The following CAPZA2 variants were observed in gnomAD, a reference collection of about 807,000 sequenced individuals.
CAPZA2 encodes capping actin protein of muscle Z-line subunit alpha 2.
Under a neutral mutation model 44.0 loss-of-function variants are expected in CAPZA2, and 13 were observed. That is an observed-to-expected ratio of 0.30 (90% CI 0.19 to 0.47). The LOEUF is 0.47. CAPZA2 is among the 20% of genes least tolerant of loss of function. The pLI is 1.00. For synonymous variants in CAPZA2, 94 were observed against 108.2 expected (o/e 0.87, Z 0.81); for missense variants, 244 against 338.6 (o/e 0.72, Z 2.19).
chr7:116,890,524 AAAT>A (rs1796820321), intron 2 of CAPZA2, among the ~76,000 whole-genome samples: 1 of 29,824 alleles, frequency 3.4e-5, no homozygotes, highest in Non-Finnish European at 5.4e-5. Context: ...AAAAAAAAAA[AAAT>A]ATATATATAT....
intron 1 of CAPZA2, chr7:116,875,733 T>G (rs1033375709): frequency 3.6e-4 from 55 of 151,890 alleles, no homozygotes; most frequent in Admixed American, 3.6e-3. Context: ...TTTTAAATTT[T>G]TTGTAGATAC....
At chr7:116,886,493 AAC>A (rs1796763391) in intron 1 of CAPZA2, among the ~76,000 whole-genome samples, 1 of 152,148 alleles carries the variant, frequency 6.6e-6, no homozygotes, top group African/African-American at 2.4e-5. Flanking sequence ...CACATACACA[AAC>A]ACACACAGCC....
chr7:116,910,580 A>G lies in CAPZA2; in HGVS notation c.585+269A>G, dbSNP rs549881262. On this transcript the variant is annotated intron_variant, in intron 7 of 9. Transcript: ENST00000361183. ...CCATTTGGTCTGCTCTTCAGATACAATTTGTTCATGCAGGCGTCTTCTGAG... is the reference window on the plus strand; with the variant it reads ...CCATTTGGTCTGCTCTTCAGATACAGTTTGTTCATGCAGGCGTCTTCTGAG... 7.2e-5 allele frequency among the ~76,000 whole-genome samples: 11 copies of G among 152,248 alleles called. No homozygotes were observed. In the South Asian group the frequency reaches 2.3e-3, roughly 32 times the overall value.
At position 116,893,151 on chromosome 7, in the gene CAPZA2, G is replaced by A. The variant is rs1796872585; in HGVS notation, c.155+106G>A. ...TGTGGGTTTTTTTGTTTTGTTTTGA[G>A]ATGGAGTCTCACTCTGTCGTCCAGG... is the stretch of plus-strand genomic sequence containing the variant. On this transcript the variant is annotated intron_variant, in intron 3 of 9. Coordinates refer to ENST00000361183, the MANE Select transcript of CAPZA2 (RefSeq NM_006136.3). 1.3e-5 allele frequency: 8 copies of A among 624,318 alleles called. No homozygotes were observed. The South Asian group carries it at 1.4e-4, about 11-fold the overall frequency. The allele number at this position is 624,318 out of a possible 1,614,324, so 38.7% of individuals were successfully genotyped here. A position where few individuals can be genotyped will look rare whatever the true frequency, so the allele number is the denominator to read the frequency against.
At chr7:116,882,075 A>G (rs1366435249) in intron 1 of CAPZA2, among the ~76,000 whole-genome samples, 3 of 152,094 alleles carry the variant, frequency 2.0e-5, no homozygotes, top group African/African-American at 4.8e-5. Context: ...AGTTTTTCTT[A>G]TTACTGTTGA....
intron 3 of CAPZA2, among the ~76,000 whole-genome samples, chr7:116,898,293 G>A (rs1351300508): frequency 6.6e-6 from 1 of 150,822 alleles, no homozygotes; most frequent in Non-Finnish European, 1.5e-5. Context: ...ATTCTTTGCA[G>A]TGCTTCATTG....
chr7:116,876,249 CA>C (rs34563707), intron 1 of CAPZA2: 288 of 89,118 alleles, frequency 3.2e-3, no homozygotes, highest in Middle Eastern at 7.0e-3. Context: ...GACTCCATCT[CA>C]AAAAAAAAAA....
chr7:116,891,248 A>G (rs909954640), intron 2 of CAPZA2, among the ~76,000 whole-genome samples: 3 of 152,204 alleles, frequency 2.0e-5, no homozygotes, highest in African/African-American at 7.2e-5. Flanking sequence ...GAGCTGACAA[A>G]TAGATCTTGT....
intron 8 of CAPZA2, among the ~76,000 whole-genome samples, chr7:116,912,722 C>T (rs927109732): frequency 1.3e-5 from 2 of 152,136 alleles, no homozygotes. Flanking sequence ...TTTATCCATT[C>T]TTCAGTTAAT....
chr7:116,901,011 A>C (rs1585011462), intron 4 of CAPZA2, among the ~76,000 whole-genome samples: 1 of 152,118 alleles, frequency 6.6e-6, no homozygotes, highest in South Asian at 2.1e-4. Flanking sequence ...TCAAAAAATA[A>C]CAGATGCTGG....
intron 1 of CAPZA2, among the ~76,000 whole-genome samples, chr7:116,872,850 G>A (rs1353320628): frequency 6.6e-6 from 1 of 152,168 alleles, no homozygotes; most frequent in African/African-American, 2.4e-5. Context: ...AAGAAGACTA[G>A]ACACTTCAAA....
intron 1 of CAPZA2, chr7:116,875,724 T>G (rs906259074): frequency 1.3e-5 from 2 of 151,656 alleles, no homozygotes; most frequent in Non-Finnish European, 2.9e-5. Flanking sequence ...TTTTTTTTTT[T>G]TTAAATTTTT....
rs537392497 is a variant in CAPZA2 at position 116,910,323 on chromosome 7, A to T, written c.585+12A>T. The T allele has an allele frequency of 1.5e-6, 2 of 1,363,152 alleles. No homozygotes were observed. The highest frequency in any genetic ancestry group is 2.1e-6 in the Non-Finnish European group (2 of 951,576). 84.4% of individuals were successfully genotyped at this position (1,363,152 alleles called of 1,614,324 possible). ...TCTTGAAAATTCAGGTATGAAAAATAATTTGTTTACTGATCTTTAGATGAT... is the reference window on the plus strand; with the variant it reads ...TCTTGAAAATTCAGGTATGAAAAATTATTTGTTTACTGATCTTTAGATGAT... On this transcript the variant is annotated intron_variant, in intron 7 of 9. Coordinates refer to ENST00000361183, the MANE Select transcript of CAPZA2 (RefSeq NM_006136.3).
At chr7:116,909,948 C>G (rs1434277555) in intron 6 of CAPZA2, 1 of 383,244 alleles carries the variant, frequency 2.6e-6, no homozygotes, top group African/African-American at 2.1e-5. Context: ...GCAAACAGCA[C>G]TGCACACACA....
At chr7:116,888,061 A>G in intron 1 of CAPZA2, 66 bp from the exon 2 acceptor site, 2 of 1,101,544 alleles carry the variant, frequency 1.8e-6, no homozygotes, top group Non-Finnish European at 1.4e-6. Context: ...ATAATTTTGC[A>G]TGTTTTGTGC....
intron 6 of CAPZA2, chr7:116,906,579 C>T: frequency 1.9e-6 from 1 of 522,374 alleles, no homozygotes; most frequent in Non-Finnish European, 3.0e-6. Flanking sequence ...CAAACAGCAT[C>T]CTGAGGGAGC....
At position 116,917,713 on chromosome 7, in the gene CAPZA2, A is replaced by C; in HGVS notation, c.721-14A>C. 1 of 1,579,428 alleles carries C rather than the reference A, an allele frequency of 6.3e-7. No individual in the cohort carries two copies. The highest frequency in any genetic ancestry group is 1.7e-5 in the Admixed American group (1 of 59,958). On this transcript the variant is annotated splice_polypyrimidine_tract_variant and intron_variant, in intron 9 of 9. Transcript: ENST00000361183. ...TTTGCTTTACTTTAAACTTCTAACT[A>C]TTGTTTTTCATAGACTGCCATCAGT...
In CAPZA2 at chr7:116,910,236, T is replaced by C. The variant is rs1791572764; in HGVS notation, c.510T>C (p.Asn170=). 6.4e-7 allele frequency: 1 copy of C among 1,561,730 alleles called. No individual in the cohort carries two copies. The highest frequency in any genetic ancestry group is 1.4e-5 in the African/African-American group (1 of 73,954). Residue 170 remains asparagine, a synonymous_variant, in exon 7 of 10, where the codon AAT becomes AAC. Transcript: ENST00000361183. The part of the protein sequence containing the change: ...SHQFQAKNFW[N]GRWRSEWKFT... ...AGCTGCTGTTTTTATTTTTAAGGAATGGTCGTTGGAGGTCAGAATGGAAGT... is the reference window on the plus strand; with the variant it reads ...AGCTGCTGTTTTTATTTTTAAGGAACGGTCGTTGGAGGTCAGAATGGAAGT...
intron 1 of CAPZA2, among the ~76,000 whole-genome samples, chr7:116,868,505 G>A (rs1473715554): frequency 2.0e-5 from 3 of 152,224 alleles, no homozygotes; most frequent in Non-Finnish European, 4.4e-5. Context: ...GGCTGAGGCA[G>A]GTGGATCACC....
Sources: gnomAD v4.1 joint callset for allele counts (sites outside exome capture counted in the v4.1 genomes callset) on GRCh38, gnomAD v4.1.1 for gene constraint, MANE v1.5 for transcripts, NCBI Gene and HGNC (gene_info 2026-07-23, HGNC 2026-07-21) for gene names.